SPIRE1: variants seen among roughly 807,000 people sequenced by gnomAD.
SPIRE1 encodes the protein protein spire homolog 1.
In SPIRE1, 40 loss-of-function variants were observed where a neutral mutation model predicts 94.1. The observed-to-expected ratio is 0.43, with a 90% CI of 0.33 to 0.55. The LOEUF (loss-of-function observed/expected upper bound fraction) is 0.55, where lower values mean the gene tolerates loss of function less well. Among genes scored for constraint, SPIRE1 ranks in the 20% least tolerant of loss-of-function variants. The pLI, the probability that SPIRE1 is intolerant of heterozygous loss-of-function variation, is 0.06. For synonymous variants in SPIRE1, 376 were observed against 371.7 expected (o/e 1.01, Z -0.13); for missense variants, 838 against 975.2 (o/e 0.86, Z 1.87).
intron 1 of SPIRE1, among the ~76,000 whole-genome samples, chr18:12,649,619 G>C (rs2038321136): frequency 6.6e-6 from 1 of 152,202 alleles, no homozygotes; most frequent in Admixed American, 6.5e-5. Context: ...TGATACAGGA[G>C]AGTGAATCTG....
At chr18:12,486,730 C>G (rs1354860762) in intron 8 of SPIRE1, among the ~76,000 whole-genome samples, 1 of 152,214 alleles carries the variant, frequency 6.6e-6, no homozygotes, top group Admixed American at 6.5e-5. Context: ...TAGAATAGTG[C>G]TTGACACACA....
At position 12,546,601 on chromosome 18, in the gene SPIRE1, C is replaced by CA. The variant is rs1336250368; in HGVS notation, c.603+72dup. The CA allele has an allele frequency of 2.2e-5, 25 of 1,151,784 alleles. No homozygotes were observed. The South Asian group carries it at 3.2e-4, about 15-fold the overall frequency. 71.3% of individuals were successfully genotyped at this position (1,151,784 alleles called of 1,614,324 possible). On this transcript the variant is annotated intron_variant, in intron 3 of 16. Transcript: ENST00000409402. Reference sequence around the variant, plus strand: ...GGGCGACAGAGTGAGACCATCTCTCCAGGGGGGGAAAAAAAAGAAGAAGAA... The same window carrying CA: ...GGGCGACAGAGTGAGACCATCTCTCCAAGGGGGGGAAAAAAAAGAAGAAGAA...
At chr18:12,498,395 TAAAC>T (rs1194044002) in intron 6 of SPIRE1, among the ~76,000 whole-genome samples, 2 of 152,156 alleles carry the variant, frequency 1.3e-5, no homozygotes, top group Non-Finnish European at 2.9e-5. Context: ...AACAATGCCT[TAAAC>T]AAGCAAAAAA....
At chr18:12,498,897 G>A (rs923679362) in intron 6 of SPIRE1, among the ~76,000 whole-genome samples, 2 of 152,114 alleles carry the variant, frequency 1.3e-5, no homozygotes, top group African/African-American at 4.8e-5. Flanking sequence ...TGGGATTACA[G>A]GTGTAATCCC....
intron 4 of SPIRE1, among the ~76,000 whole-genome samples, chr18:12,529,877 A>G (rs534396566): frequency 5.3e-5 from 8 of 152,232 alleles, no homozygotes; most frequent in Admixed American, 6.5e-5. Context: ...TATACAATGC[A>G]CAATTATTTT....
intron 2 of SPIRE1, among the ~76,000 whole-genome samples, chr18:12,594,250 G>T (rs908247612): frequency 6.6e-5 from 10 of 152,134 alleles, no homozygotes; most frequent in Non-Finnish European, 1.3e-4. Flanking sequence ...GTAAAGACTG[G>T]GAGGGGAAAG....
intron 1 of SPIRE1, among the ~76,000 whole-genome samples, chr18:12,649,614 C>A (rs1323668354): frequency 6.6e-6 from 1 of 152,182 alleles, no homozygotes; most frequent in Non-Finnish European, 1.5e-5. Flanking sequence ...ACCAATGATA[C>A]AGGAGAGTGA....
At chr18:12,586,860 T>G (rs900028705) in intron 2 of SPIRE1, among the ~76,000 whole-genome samples, 2 of 152,208 alleles carry the variant, frequency 1.3e-5, no homozygotes, top group Admixed American at 1.3e-4. Flanking sequence ...GTAGGTTTTT[T>G]GAGAAAACAC....
At chr18:12,602,094 G>A (rs930592533) in intron 2 of SPIRE1, among the ~76,000 whole-genome samples, 27 of 151,968 alleles carry the variant, frequency 1.8e-4, no homozygotes, top group African/African-American at 4.6e-4. Flanking sequence ...CACATATAAC[G>A]TTTACATAAA....
intron 2 of SPIRE1, among the ~76,000 whole-genome samples, chr18:12,574,278 AC>A (rs1172357015): frequency 6.6e-6 from 1 of 152,240 alleles, no homozygotes; most frequent in African/African-American, 2.4e-5. Flanking sequence ...CTTTAAAAAT[AC>A]AGTGTTAGAG....
intron 2 of SPIRE1, among the ~76,000 whole-genome samples, chr18:12,597,522 C>T (rs17525599): frequency 0.074 from 11,198 of 152,232 alleles, 575 homozygotes; most frequent in Non-Finnish European, 0.11. Context: ...TATCTCTGGG[C>T]CTGGCACTTT....
At chr18:12,495,892 A>C in intron 7 of SPIRE1, 124 bp downstream of exon 7, 1 of 683,930 alleles carries the variant, frequency 1.5e-6, no homozygotes. Context: ...GCTGGGCTTC[A>C]TCTTCAGAGT....
chr18:12,605,550 T>C (rs2036953441), intron 2 of SPIRE1, among the ~76,000 whole-genome samples: 1 of 152,042 alleles, frequency 6.6e-6, no homozygotes, highest in South Asian at 2.1e-4. Context: ...CTTTTCACCT[T>C]ACTTATTTGC....
intron 8 of SPIRE1, 90 bp downstream of exon 8, chr18:12,492,982 G>C: frequency 7.1e-7 from 1 of 1,415,390 alleles, no homozygotes; most frequent in Non-Finnish European, 9.5e-7. Context: ...AACAAGGAAT[G>C]AGAACTCTTT....
chr18:12,456,285 G>A (rs868283301), intron 12 of SPIRE1, among the ~76,000 whole-genome samples: 4 of 152,208 alleles, frequency 2.6e-5, no homozygotes, highest in African/African-American at 9.7e-5. Context: ...CTCAGAAAAA[G>A]AGTAGTGTTA....
At chr18:12,532,882 GAAGA>G (rs1217780835) in intron 4 of SPIRE1, among the ~76,000 whole-genome samples, 4 of 152,180 alleles carry the variant, frequency 2.6e-5, no homozygotes, top group African/African-American at 9.7e-5. Flanking sequence ...AGCTTCAAAG[GAAGA>G]AGGGTGTTTC....
chr18:12,479,145 G>GTA (rs1241477115), intron 10 of SPIRE1, among the ~76,000 whole-genome samples: 83 of 148,396 alleles, frequency 5.6e-4, no homozygotes, highest in African/African-American at 2.0e-3. Flanking sequence ...GTGTGTGTGT[G>GTA]TATACATATA....
chr18:12,639,668 T>C lies in SPIRE1; in HGVS notation c.338-4572A>G, dbSNP rs149352236. ...ATTGCTTGAACCCAGGAGGCGGAGG[T>C]TGCAGTGAGCAGAGATCACGCCACT... On this transcript the variant is annotated intron_variant, in intron 1 of 16. Transcript: ENST00000409402. Among the ~76,000 whole-genome samples, 1,436 of 151,678 alleles carry C rather than the reference T, an allele frequency of 9.5e-3. 30 individuals are homozygous for C. The highest frequency in any genetic ancestry group is 0.034 in the African/African-American group (1,389 of 41,346).
Position 12,657,786 on chromosome 18 carries a change from C to G in SPIRE1, c.81G>C (p.Gly27=). The change falls in exon 1 of 17, where the codon GGG becomes GGC. Residue 27 remains glycine, a synonymous_variant. Transcript: ENST00000409402. The stretch of plus-strand genomic sequence containing the variant: ...AGCCCCCGGCCGCGCCGCCGGCTGC[C>G]CCGGGCTCCCGCGGCCCCTCGCCGC... ...AVGGEGPREP[G]AAGGAAGGSR... 2 of 1,298,432 alleles carry G rather than the reference C, an allele frequency of 1.5e-6. No homozygotes were observed. Among genetic ancestry groups the G allele is most frequent in the East Asian group, 3.5e-5 (1 of 28,700 alleles). The allele number at this position is 1,298,432 out of a possible 1,614,324, so 80.4% of individuals were successfully genotyped here. A position where few individuals can be genotyped will look rare whatever the true frequency, so the allele number is the denominator to read the frequency against.
Sources: allele counts gnomAD v4.1 joint callset (sites outside exome capture counted in the v4.1 genomes callset), GRCh38; gene constraint gnomAD v4.1.1; transcripts MANE v1.5; gene names NCBI Gene and HGNC (gene_info 2026-07-23, HGNC 2026-07-21).